Variants in SLC24A2 observed in about 807,000 individuals in gnomAD.
SLC24A2 encodes the protein solute carrier family 24 member 2.
Under a neutral mutation model 62.0 loss-of-function variants are expected in SLC24A2, and 36 were observed. The ratio of observed to expected loss-of-function variants is 0.58; its 90% CI spans 0.44 to 0.77. The LOEUF is 0.77. Among genes scored for constraint, SLC24A2 ranks in the 30% least tolerant of loss-of-function variants. The pLI is 0.00. For missense variants in SLC24A2, 846 were observed against 817.9 expected (o/e 1.03, Z -0.42); for synonymous variants, 358 against 294.0 (o/e 1.22, Z -2.23).
chr9:20,265,719 G>A, the SLC24A2 span, among the ~76,000 whole-genome samples: 3 of 152,182 alleles, frequency 2.0e-5, no homozygotes, highest in African/African-American at 7.2e-5. Context: ...CAGGGAACAA[G>A]AGAGATAACC....
chr9:20,057,787 C>T, the SLC24A2 span, among the ~76,000 whole-genome samples: 33 of 152,256 alleles, frequency 2.2e-4, no homozygotes, highest in Non-Finnish European at 3.8e-4. Flanking sequence ...TAACTTAAAA[C>T]TGTGTGAGGT....
the SLC24A2 span, among the ~76,000 whole-genome samples, chr9:20,006,208 T>C: frequency 6.6e-6 from 1 of 151,740 alleles, no homozygotes; most frequent in African/African-American, 2.4e-5. Flanking sequence ...ATTAAGCAAA[T>C]AAAAATGTAT....
At chr9:19,861,100 C>T in the SLC24A2 span, among the ~76,000 whole-genome samples, 2 of 152,188 alleles carry the variant, frequency 1.3e-5, no homozygotes, top group South Asian at 4.2e-4. Flanking sequence ...TAACTGGTAG[C>T]CAGGGAGGGA....
At chr9:20,172,770 C>T in the SLC24A2 span, among the ~76,000 whole-genome samples, 7 of 151,962 alleles carry the variant, frequency 4.6e-5, no homozygotes, top group South Asian at 4.1e-4. Flanking sequence ...ACCAGACATT[C>T]GAAGAAGAAT....
At chr9:19,643,332 GT>G (rs1818557255) in intron 2 of SLC24A2, among the ~76,000 whole-genome samples, 1 of 152,042 alleles carries the variant, frequency 6.6e-6, no homozygotes. Context: ...ATGTTTTCAT[GT>G]TTTTTAAAAT....
the SLC24A2 span, among the ~76,000 whole-genome samples, chr9:20,084,478 C>G: frequency 6.6e-6 from 1 of 151,602 alleles, no homozygotes; most frequent in Non-Finnish European, 1.5e-5. Flanking sequence ...TTTTCCTTTC[C>G]TTTCCTTCCC....
intron 8 of SLC24A2, among the ~76,000 whole-genome samples, chr9:19,547,121 C>T (rs979920726): frequency 6.6e-6 from 1 of 152,144 alleles, no homozygotes; most frequent in Non-Finnish European, 1.5e-5. Flanking sequence ...CTGGCCAAGG[C>T]CCAGTGTTTG....
chr9:20,217,602 A>C, the SLC24A2 span, among the ~76,000 whole-genome samples: 2 of 152,180 alleles, frequency 1.3e-5, no homozygotes, highest in African/African-American at 2.4e-5. Flanking sequence ...TGGCACACAC[A>C]GGCCATGATA....
chr9:19,723,716 G>A lies in SLC24A2; in HGVS notation c.930+62221C>T, dbSNP rs566793828. Among the ~76,000 whole-genome samples the A allele has an allele frequency of 9.5e-4, 145 of 152,014 alleles. 1 individual carries two copies. Among genetic ancestry groups the A allele is most frequent in the African/African-American group, 3.3e-3 (136 of 41,480 alleles). On this transcript the variant is annotated intron_variant, in intron 2 of 10. Transcript: ENST00000341998. Reference sequence around the variant, plus strand: ...GAATTCTTCTTGAAATCTAATTTCAGGAGAATTTCTAGTAATAATTAATAA... The same window carrying A: ...GAATTCTTCTTGAAATCTAATTTCAAGAGAATTTCTAGTAATAATTAATAA...
the SLC24A2 span, among the ~76,000 whole-genome samples, chr9:19,828,470 T>C: frequency 6.6e-6 from 1 of 152,088 alleles, no homozygotes; most frequent in Non-Finnish European, 1.5e-5. Flanking sequence ...AAATTAAGAA[T>C]AAATAAAACA....
chr9:19,571,621 C>T (rs1324276722), intron 7 of SLC24A2, among the ~76,000 whole-genome samples: 1 of 152,152 alleles, frequency 6.6e-6, no homozygotes, highest in Non-Finnish European at 1.5e-5. Context: ...CATGGCAGAC[C>T]TGACAAATTC....
chr9:20,213,816 T>C, the SLC24A2 span, among the ~76,000 whole-genome samples: 1 of 152,236 alleles, frequency 6.6e-6, no homozygotes, highest in African/African-American at 2.4e-5. Flanking sequence ...TAGTGCCTAC[T>C]ATGTGTTCTG....
At chr9:19,910,669 G>A in the SLC24A2 span, among the ~76,000 whole-genome samples, 1 of 151,940 alleles carries the variant, frequency 6.6e-6, no homozygotes. Context: ...CTTTTCTCAG[G>A]CCTTCTTGCC....
the SLC24A2 span, among the ~76,000 whole-genome samples, chr9:20,080,247 A>C: frequency 2.3e-3 from 355 of 152,304 alleles, 2 homozygotes; most frequent in Middle Eastern, 6.8e-3. Context: ...CTACAGTAAC[A>C]AAAACAGCAT....
At chr9:19,545,324 C>T (rs1393710585) in intron 8 of SLC24A2, among the ~76,000 whole-genome samples, 3 of 151,942 alleles carry the variant, frequency 2.0e-5, no homozygotes, top group Admixed American at 1.3e-4. Context: ...GTTAGCAATT[C>T]GCGTAACCTT....
chr9:20,168,281 C>T, the SLC24A2 span, among the ~76,000 whole-genome samples: 19 of 151,964 alleles, frequency 1.3e-4, no homozygotes, highest in East Asian at 1.9e-4. Context: ...ATTCTTTCAG[C>T]TGTTCTCTAA....
chr9:19,982,977 C>A, the SLC24A2 span, among the ~76,000 whole-genome samples: 1 of 152,114 alleles, frequency 6.6e-6, no homozygotes, highest in Non-Finnish European at 1.5e-5. Context: ...CATGAAAAAA[C>A]ACTCAGAAAA....
the SLC24A2 span, among the ~76,000 whole-genome samples, chr9:20,187,703 C>T: frequency 1.3e-5 from 2 of 152,216 alleles, no homozygotes; most frequent in Admixed American, 6.5e-5. Context: ...TCTCCTTCTC[C>T]CATTCTTAGC....
At chr9:19,706,211 C>A (rs1247926733) in intron 2 of SLC24A2, among the ~76,000 whole-genome samples, 9 of 151,280 alleles carry the variant, frequency 5.9e-5, no homozygotes, top group Non-Finnish European at 1.0e-4. Context: ...CTCTTTTGAT[C>A]TTTGTTGGTT....
Sources: gnomAD v4.1 joint callset for allele counts (sites outside exome capture counted in the v4.1 genomes callset) on GRCh38, gnomAD v4.1.1 for gene constraint, MANE v1.5 for transcripts, NCBI Gene and HGNC (gene_info 2026-07-23, HGNC 2026-07-21) for gene names.